PCLO: variants seen among roughly 807,000 people sequenced by gnomAD.
The protein encoded by PCLO is protein piccolo.
In PCLO, 82 loss-of-function variants were observed where a neutral mutation model predicts 427.5. The ratio of observed to expected loss-of-function variants is 0.19; its 90% CI spans 0.16 to 0.23. The LOEUF (loss-of-function observed/expected upper bound fraction) is 0.23. PCLO is among the 10% of genes least tolerant of loss of function. The probability of loss-of-function intolerance (pLI) is 1.00; values close to 1 mark genes in which losing one functional copy is unlikely to be tolerated. For synonymous variants in PCLO, 2,357 were observed against 2,155.4 expected, an observed-to-expected ratio of 1.09 and a Z score of -2.59; for missense variants, 6,239 against 6,115.9, an observed-to-expected ratio of 1.02 and a Z score of -0.67.
intron 6 of PCLO, among the ~76,000 whole-genome samples, chr7:82,939,545 T>C (rs565114428): frequency 1.4e-4 from 21 of 151,608 alleles, no homozygotes; most frequent in Admixed American, 1.1e-3. Flanking sequence ...GAAATATATG[T>C]ATTTTTTTCC....
chr7:83,038,073 T>TATATTTA lies in PCLO; in HGVS notation c.3301-71587_3301-71586insTAAATAT, dbSNP rs1562933256. ...TATCTTTATATATATATTTATATAT[T>TATATTTA]TATATATATATCTTTATATATATAT... On this transcript the variant is annotated intron_variant, in intron 3 of 24. Coordinates refer to ENST00000333891, the MANE Select transcript of PCLO (RefSeq NM_033026.6). Among the ~76,000 whole-genome samples, 61 of 46,170 alleles carry TATATTTA rather than the reference T, an allele frequency of 1.3e-3. 3 individuals are homozygous for TATATTTA. The highest frequency in any genetic ancestry group is 4.6e-3 in the African/African-American group (56 of 12,108). 30.3% of individuals were successfully genotyped at this position (46,170 alleles called of 152,430 possible).
At chr7:82,967,163 G>T (rs1795794787) in intron 3 of PCLO, among the ~76,000 whole-genome samples, 1 of 149,660 alleles carries the variant, frequency 6.7e-6, no homozygotes, top group Admixed American at 6.7e-5. Flanking sequence ...TGAGTGTCCT[G>T]ATTTGCTGAC....
chr7:83,012,621 GAAAAAAA>G (rs537818971), intron 3 of PCLO, among the ~76,000 whole-genome samples: 10 of 66,740 alleles, frequency 1.5e-4, no homozygotes, highest in African/African-American at 5.2e-4. Flanking sequence ...CTGTCTCAAG[GAAAAAAA>G]AAAAAAAAAA....
intron 3 of PCLO, among the ~76,000 whole-genome samples, chr7:83,081,088 T>A (rs1198046876): frequency 6.6e-6 from 1 of 152,004 alleles, no homozygotes; most frequent in African/African-American, 2.4e-5. Context: ...ACTACTGTAT[T>A]ATATTGATTT....
At chr7:83,030,891 A>C (rs1788649967) in intron 3 of PCLO, among the ~76,000 whole-genome samples, 1 of 152,188 alleles carries the variant, frequency 6.6e-6, no homozygotes, top group Non-Finnish European at 1.5e-5. Flanking sequence ...TCACTTTTTT[A>C]TCGTAAAACT....
intron 18 of PCLO, among the ~76,000 whole-genome samples, chr7:82,824,681 T>C (rs1562802921): frequency 6.6e-6 from 1 of 151,224 alleles, no homozygotes; most frequent in East Asian, 1.9e-4. Flanking sequence ...GGATATGATG[T>C]TAAAAGATAG....
intron 20 of PCLO, chr7:82,821,539 G>A (rs1453015591): frequency 2.0e-6 from 2 of 979,896 alleles, no homozygotes; most frequent in African/African-American, 1.8e-5. Context: ...ATGCCTTTTA[G>A]AAGTAACAGG....
chr7:82,809,414 G>A (rs766960944), intron 20 of PCLO, among the ~76,000 whole-genome samples: 4 of 151,400 alleles, frequency 2.6e-5, no homozygotes, highest in Non-Finnish European at 4.4e-5. Flanking sequence ...ATCTGTAAAG[G>A]CCTAGCTCAG....
chr7:82,773,448 A>C (rs1403220362), intron 22 of PCLO, among the ~76,000 whole-genome samples: 2 of 152,150 alleles, frequency 1.3e-5, no homozygotes, highest in African/African-American at 4.8e-5. Flanking sequence ...TTGGTCCATT[A>C]GGTTACTTGC....
chr7:82,835,585 C>T, intron 16 of PCLO, 82 bp downstream of exon 16: 1 of 976,228 alleles, frequency 1.0e-6, no homozygotes, highest in Non-Finnish European at 1.6e-6. Context: ...TGTTGAAGTG[C>T]CAGTGAATGT....
intron 3 of PCLO, among the ~76,000 whole-genome samples, chr7:83,116,259 G>A (rs956594140): frequency 9.1e-6 from 1 of 109,302 alleles, no homozygotes; most frequent in Admixed American, 8.7e-5. Context: ...CTGACTAGGA[G>A]AAATGCAATC....
intron 22 of PCLO, among the ~76,000 whole-genome samples, chr7:82,794,578 G>A (rs1161812836): frequency 6.9e-6 from 1 of 144,798 alleles, no homozygotes; most frequent in Non-Finnish European, 1.5e-5. Flanking sequence ...CTCAAGCGAT[G>A]CCCCCTATCT....
chr7:83,066,028 G>A (rs1323856065), intron 3 of PCLO, among the ~76,000 whole-genome samples: 1 of 151,972 alleles, frequency 6.6e-6, no homozygotes, highest in Non-Finnish European at 1.5e-5. Flanking sequence ...ACTAGTAAAG[G>A]GAATGTTGCT....
chr7:82,926,655 T>G (rs1216981475), intron 6 of PCLO, among the ~76,000 whole-genome samples: 1 of 152,206 alleles, frequency 6.6e-6, no homozygotes, highest in Non-Finnish European at 1.5e-5. Flanking sequence ...TTAAAGTCAT[T>G]GCTCTTGGGC....
At chr7:82,827,523 A>G (rs1291084173) in intron 17 of PCLO, among the ~76,000 whole-genome samples, 2 of 152,054 alleles carry the variant, frequency 1.3e-5, no homozygotes, top group Non-Finnish European at 2.9e-5. Flanking sequence ...ATTGTGTATG[A>G]AAGTCAAAAT....
chr7:82,795,481 GA>G (rs1007177370), intron 22 of PCLO, among the ~76,000 whole-genome samples: 2 of 152,080 alleles, frequency 1.3e-5, no homozygotes, highest in African/African-American at 4.8e-5. Flanking sequence ...AACCAATTAA[GA>G]TAGTCTTATG....
At chr7:82,987,397 TA>T (rs1412544581) in intron 3 of PCLO, among the ~76,000 whole-genome samples, 1 of 151,934 alleles carries the variant, frequency 6.6e-6, no homozygotes, top group Non-Finnish European at 1.5e-5. Context: ...ATGTCAGATA[TA>T]AATGGGGTAA....
At chr7:82,982,994 C>T (rs972004101) in intron 3 of PCLO, among the ~76,000 whole-genome samples, 4 of 151,438 alleles carry the variant, frequency 2.6e-5, no homozygotes, top group Non-Finnish European at 5.9e-5. Context: ...ATTAAATTAA[C>T]ACCTACTCTA....
At chr7:82,906,702 CT>C (rs1448371469) in intron 8 of PCLO, among the ~76,000 whole-genome samples, 1 of 151,780 alleles carries the variant, frequency 6.6e-6, no homozygotes, top group African/African-American at 2.4e-5. Context: ...GGCAATGTTC[CT>C]TTTTTTGGCC....
Sources: gnomAD v4.1 joint callset for allele counts (sites outside exome capture counted in the v4.1 genomes callset) on GRCh38, gnomAD v4.1.1 for gene constraint, MANE v1.5 for transcripts, NCBI Gene and HGNC (gene_info 2026-07-23, HGNC 2026-07-21) for gene names.